The following SMU1 variants were observed in gnomAD, a reference collection of about 807,000 sequenced individuals.
The protein encoded by SMU1 is SMU1 DNA replication regulator and spliceosomal factor.
In SMU1, 2 loss-of-function variants were observed where a neutral mutation model predicts 62.0. The ratio of observed to expected loss-of-function variants is 0.03; its 90% CI spans 0.01 to 0.10. SMU1 has a LOEUF of 0.10. Ranked by LOEUF, SMU1 falls within the 10% of genes least tolerant of loss-of-function variation. The pLI, the probability that SMU1 is intolerant of heterozygous loss-of-function variation, is 1.00. For synonymous variants in SMU1, 188 were observed against 212.4 expected, an observed-to-expected ratio of 0.89 and a Z score of 1.00; for missense variants, 227 against 622.1, an observed-to-expected ratio of 0.36 and a Z score of 6.76.
intron 2 of SMU1, among the ~76,000 whole-genome samples, chr9:33,072,549 T>C (rs1227009454): frequency 1.3e-5 from 2 of 151,764 alleles, no homozygotes; most frequent in Non-Finnish European, 2.9e-5. Context: ...AGAAACAAAC[T>C]GCCCAGACAC....
rs1440912499 is a variant in SMU1, at chr9:33,048,099, T to C, written c.1443+7A>G. The stretch of plus-strand genomic sequence containing the variant: ...TTCTTTAGATGAACTTAGTAAGTAA[T>C]ACTCACTGTCAAAGTTCTCTCCAGT... On this transcript the variant is annotated splice_region_variant and intron_variant, in intron 11 of 11. Transcript: ENST00000397149. The C allele has an allele frequency of 1.2e-6, 2 of 1,613,584 alleles. No individual in the cohort carries two copies. The highest frequency in any genetic ancestry group is 3.3e-5 in the Admixed American group (2 of 59,956).
chr9:33,048,184 T>C lies in SMU1; in HGVS notation c.1365A>G (p.Glu455=). The C allele has an allele frequency of 1.2e-6, 2 of 1,614,182 alleles. No individual in the cohort carries two copies. Among genetic ancestry groups the C allele is most frequent in the Non-Finnish European group, 1.7e-6 (2 of 1,180,030 alleles). Residue 455 remains glutamate (E), a synonymous_variant, in exon 11 of 12, where the codon GAA becomes GAG. Coordinates refer to ENST00000397149, the MANE Select transcript of SMU1 (RefSeq NM_018225.3). ...AGTCCTCCCCTACACAGTAGATCCA[T>C]TCACCACGGGGAGAGAGGGCACAGC... ...FVCCALSPRG[E]WIYCVGEDFV... is the part of the protein sequence containing the mutation.
At chr9:33,057,037 A>C (rs955543219) in intron 7 of SMU1, 73 bp from the exon 8 acceptor site, 61 of 1,504,262 alleles carry the variant, frequency 4.1e-5, no homozygotes, top group Non-Finnish European at 5.4e-5. Flanking sequence ...CACAGAGCCA[A>C]GCAAGATGCA....
intron 10 of SMU1, 30 bp downstream of exon 10, chr9:33,053,093 C>T (rs774783995): frequency 1.6e-5 from 25 of 1,602,024 alleles, no homozygotes; most frequent in Middle Eastern, 4.5e-4. Context: ...GCCCACAGTT[C>T]CTGTGCAAGG....
Position 33,044,529 on chromosome 9 carries a change from G to A in SMU1, c.*2764C>T, listed in dbSNP as rs1274874483. 1 of 152,316 alleles carries A rather than the reference G, an allele frequency of 6.6e-6. No homozygotes were observed. The highest frequency in any genetic ancestry group is 1.5e-5 in the Non-Finnish European group (1 of 68,094). 9.4% of individuals were successfully genotyped at this position (152,316 alleles called of 1,614,324 possible). ...GGTCTGGCTGTAAGGGCGCTGGAGGGGAGCTGGGCTGCCCCAGCCTTCAAT... is the reference window on the plus strand; with the variant it reads ...GGTCTGGCTGTAAGGGCGCTGGAGGAGAGCTGGGCTGCCCCAGCCTTCAAT... On this transcript the variant is annotated 3_prime_UTR_variant, in exon 12 of 12. Transcript: ENST00000397149.
intron 5 of SMU1, 113 bp downstream of exon 5, chr9:33,061,936 G>T: frequency 8.7e-7 from 1 of 1,152,744 alleles, no homozygotes; most frequent in Non-Finnish European, 1.2e-6. Flanking sequence ...TGTCAGAGCT[G>T]GAGAATGAGT....
intron 2 of SMU1, among the ~76,000 whole-genome samples, chr9:33,072,324 G>A (rs975744703): frequency 1.2e-4 from 18 of 152,030 alleles, no homozygotes; most frequent in African/African-American, 2.7e-4. Flanking sequence ...GCGACAGAGC[G>A]AGATCTGTCT....
rs1236698530 is a variant in SMU1, at chr9:33,046,068, A to C, written c.*1225T>G. On this transcript the variant is annotated 3_prime_UTR_variant, in exon 12 of 12. Transcript: ENST00000397149. ...TCTTCAGTTGAAACGTGAAACAGACATCCATATGCAAAATATTTTCAAGGG... is the reference window on the plus strand; with the variant it reads ...TCTTCAGTTGAAACGTGAAACAGACCTCCATATGCAAAATATTTTCAAGGG... The C allele has an allele frequency of 6.6e-6, 1 of 152,214 alleles. No individual in the cohort carries two copies. Among genetic ancestry groups the C allele is most frequent in the Non-Finnish European group, 1.5e-5 (1 of 68,026 alleles). The allele number at this position is 152,214 out of a possible 1,614,324, so 9.4% of individuals were successfully genotyped here.
In SMU1 at chr9:33,073,726, A is replaced by G; in HGVS notation, c.107T>C (p.Val36Ala). 1 of 1,614,202 alleles carries G rather than the reference A, an allele frequency of 6.2e-7. No homozygotes were observed. The highest frequency in any genetic ancestry group is 1.1e-5 in the South Asian group (1 of 91,092). ...AATGCTGTCCACAGTATTCAGAGACACAGTAGTCTCCTCCTGCAAGGTGGC... is the reference window on the plus strand; with the variant it reads ...AATGCTGTCCACAGTATTCAGAGACGCAGTAGTCTCCTCCTGCAAGGTGGC... ...ALATLQEETT[V>A]SLNTVDSIES... Residue 36 changes from valine to alanine, a missense_variant, in exon 2 of 12, where the codon GTG becomes GCG. Val to Ala is a moderately conservative substitution (Grantham distance 64). Transcript: ENST00000397149.
At chr9:33,069,884 G>C (rs1257727376) in intron 3 of SMU1, among the ~76,000 whole-genome samples, 2 of 152,160 alleles carry the variant, frequency 1.3e-5, no homozygotes, top group Non-Finnish European at 2.9e-5. Context: ...CTAGCACTTT[G>C]GGAGGCCGAG....
intron 1 of SMU1, 26 bp downstream of exon 1, chr9:33,076,557 G>C: frequency 1.9e-6 from 3 of 1,613,300 alleles, no homozygotes; most frequent in Non-Finnish European, 1.7e-6. Context: ...CCGGCAAGGC[G>C]CGAACATCCC....
At chr9:33,051,646 T>A (rs959531936) in intron 10 of SMU1, among the ~76,000 whole-genome samples, 2 of 152,146 alleles carry the variant, frequency 1.3e-5, no homozygotes, top group African/African-American at 4.8e-5. Context: ...GTCTATTTTT[T>A]AAAAAACAAC....
chr9:33,054,904 A>G (rs911007047), intron 9 of SMU1, among the ~76,000 whole-genome samples: 2 of 152,232 alleles, frequency 1.3e-5, no homozygotes, highest in African/African-American at 4.8e-5. Flanking sequence ...GGTCAGTGAC[A>G]CGCTTTGCCC....
At chr9:33,068,978 C>G (rs1839456673) in intron 3 of SMU1, 44 bp from the exon 4 acceptor site, 2 of 1,605,538 alleles carry the variant, frequency 1.2e-6, no homozygotes, top group East Asian at 2.2e-5. Flanking sequence ...GAAGCAACAA[C>G]AAGATATGAG....
chr9:33,062,734 A>G (rs1293980889), intron 4 of SMU1, among the ~76,000 whole-genome samples: 2 of 152,128 alleles, frequency 1.3e-5, no homozygotes, highest in Non-Finnish European at 2.9e-5. Flanking sequence ...CAATTTTTCA[A>G]TCACCTAAAT....
At position 33,048,130 on chromosome 9, in the gene SMU1, A is replaced by G. The variant is rs1839206278; in HGVS notation, c.1419T>C (p.Thr473=). The change falls in exon 11 of 12, where the codon ACT becomes ACC. Residue 473 remains threonine, a synonymous_variant. Transcript: ENST00000397149. ...CTGTCAAAGTTCTCTCCAGTTTGCC[A>G]GTGACTGTACTGAAACAGTAGAGCA... ...DFVLYCFSTV[T]GKLERTLTVH... is the part of the protein sequence containing the mutation. 1 of 1,613,948 alleles carries G rather than the reference A, an allele frequency of 6.2e-7. No individual in the cohort carries two copies. The highest frequency in any genetic ancestry group is 8.5e-7 in the Non-Finnish European group (1 of 1,179,992).
intron 7 of SMU1, 77 bp downstream of exon 7, chr9:33,057,521 T>A (rs1462239545): frequency 6.5e-7 from 1 of 1,532,366 alleles, no homozygotes; most frequent in African/African-American, 1.4e-5. Context: ...TTATGCTGAA[T>A]ATCATATGTA....
rs144627772 is a variant in SMU1 at position 33,044,154 on chromosome 9, G to T, written c.*3139C>A. 1.3e-5 allele frequency: 2 copies of T among 152,284 alleles called. No homozygotes were observed. The highest frequency in any genetic ancestry group is 4.8e-5 in the African/African-American group (2 of 41,428). The allele number at this position is 152,284 out of a possible 1,614,324, so 9.4% of individuals were successfully genotyped here. On this transcript the variant is annotated 3_prime_UTR_variant, in exon 12 of 12. Transcript: ENST00000397149. The stretch of plus-strand genomic sequence containing the variant: ...TTTAGCTTCTATGTTAAGTGCTAGA[G>T]AGCAGCATCCGTTAAATCTGGTGGC...
chr9:33,060,962 T>C (rs1438006734), intron 5 of SMU1, among the ~76,000 whole-genome samples: 1 of 152,236 alleles, frequency 6.6e-6, no homozygotes, highest in African/African-American at 2.4e-5. Context: ...TATGTTCCTG[T>C]TGTGTATCTC....
Sources: allele counts gnomAD v4.1 joint callset (sites outside exome capture counted in the v4.1 genomes callset), GRCh38; gene constraint gnomAD v4.1.1; transcripts MANE v1.5; gene names NCBI Gene and HGNC (gene_info 2026-07-23, HGNC 2026-07-21).